The following SNX29 variants were observed in gnomAD, a reference collection of about 807,000 sequenced individuals.
SNX29 encodes sorting nexin-29.
A neutral mutation model predicts 102.1 loss-of-function variants in SNX29; 78 were observed. The ratio of observed to expected loss-of-function variants is 0.76; its 90% CI spans 0.64 to 0.92. The LOEUF (loss-of-function observed/expected upper bound fraction) is 0.92. SNX29 is among the 40% of genes least tolerant of loss of function. The pLI is 0.00. For synonymous variants in SNX29, 580 were observed against 414.5 expected (o/e 1.40, Z -4.85); for missense variants, 1,280 against 1,061.7 (o/e 1.21, Z -2.86).
At chr16:12,550,837 A>AT (rs1380319022) in intron 20 of SNX29, among the ~76,000 whole-genome samples, 1 of 152,206 alleles carries the variant, frequency 6.6e-6, no homozygotes, top group Non-Finnish European at 1.5e-5. Flanking sequence ...TTTACAGATG[A>AT]TTTTTGAGCA....
chr16:12,295,493 G>T (rs1271418162), intron 15 of SNX29, among the ~76,000 whole-genome samples: 1 of 152,136 alleles, frequency 6.6e-6, no homozygotes, highest in African/African-American at 2.4e-5. Context: ...TGCTTTTTCT[G>T]CAGCTTCCGT....
chr16:12,402,533 G>A (rs1306672660), intron 17 of SNX29, among the ~76,000 whole-genome samples: 1 of 152,234 alleles, frequency 6.6e-6, no homozygotes, highest in African/African-American at 2.4e-5. Context: ...TGATCTTGAA[G>A]TTTCAGGGAC....
chr16:12,454,559 C>G (rs2086451617), intron 18 of SNX29, among the ~76,000 whole-genome samples: 3 of 152,106 alleles, frequency 2.0e-5, no homozygotes, highest in African/African-American at 7.2e-5. Context: ...GCGAATGTGG[C>G]TTGCTGCTCA....
In SNX29 at chr16:12,245,826, GAC is replaced by G. The variant is rs142247509; in HGVS notation, c.1679-32103_1679-32102del. Among the ~76,000 whole-genome samples the G allele has an allele frequency of 5.1e-3, 778 of 152,188 alleles. 4 individuals are homozygous for G. Among genetic ancestry groups the G allele is most frequent in the African/African-American group, 0.018 (727 of 41,524 alleles). On this transcript the variant is annotated intron_variant, in intron 14 of 20. Transcript: ENST00000566228. ...GGGTAGGGAGAGATGAAGTGCTTGA[GAC>G]ACAGAGTTTCTGCTGCAGGAACTGG...
chr16:12,195,492 A>C (rs182875470), intron 13 of SNX29, among the ~76,000 whole-genome samples: 58 of 152,294 alleles, frequency 3.8e-4, no homozygotes, highest in Non-Finnish European at 6.3e-4. Context: ...TGAGATGCCT[A>C]AGGGGGTTGG....
rs900242481 is a variant in SNX29 at position 12,572,723 on chromosome 16, C to A, written c.*4094C>A. On this transcript the variant is annotated 3_prime_UTR_variant, in exon 21 of 21. Coordinates refer to ENST00000566228, the MANE Select transcript of SNX29 (RefSeq NM_032167.5). ...AGCATCTTCCAGCCTTGGCACAGAA[C>A]TGATGGCAAAGGAAGGGCTGGGTTT... 17 of 1,064,098 alleles carry A rather than the reference C, an allele frequency of 1.6e-5. No individual in the cohort carries two copies. The East Asian group carries it at 8.5e-4, about 53-fold the overall frequency. 65.9% of individuals were successfully genotyped at this position (1,064,098 alleles called of 1,614,324 possible).
intron 18 of SNX29, among the ~76,000 whole-genome samples, chr16:12,410,796 G>T (rs1006785215): frequency 6.6e-6 from 1 of 152,180 alleles, no homozygotes; most frequent in Non-Finnish European, 1.5e-5. Flanking sequence ...CAGGGAAAGC[G>T]TATTATTTTT....
intron 19 of SNX29, among the ~76,000 whole-genome samples, chr16:12,499,351 C>CT (rs1226016489): frequency 2.6e-5 from 4 of 152,232 alleles, no homozygotes; most frequent in Non-Finnish European, 5.9e-5. Flanking sequence ...GGCTTCACTG[C>CT]TAAGTTCCAG....
intron 13 of SNX29, among the ~76,000 whole-genome samples, chr16:12,137,621 C>G (rs1014948321): frequency 6.6e-6 from 1 of 152,230 alleles, no homozygotes; most frequent in East Asian, 1.9e-4. Flanking sequence ...GGCTTTAAAT[C>G]TCACACTCCA....
intron 18 of SNX29, among the ~76,000 whole-genome samples, chr16:12,407,867 C>T (rs1473531997): frequency 6.6e-6 from 1 of 152,226 alleles, no homozygotes; most frequent in African/African-American, 2.4e-5. Flanking sequence ...GTAGTCCCAG[C>T]AGCTCCAGAG....
chr16:12,505,678 C>T (rs1323632114), intron 19 of SNX29, among the ~76,000 whole-genome samples: 1 of 135,298 alleles, frequency 7.4e-6, no homozygotes, highest in East Asian at 2.2e-4. Flanking sequence ...ATGAGTCCTC[C>T]AGCTTTGTTC....
chr16:12,238,031 A>C (rs1225779131), intron 14 of SNX29, among the ~76,000 whole-genome samples: 1 of 152,202 alleles, frequency 6.6e-6, no homozygotes, highest in Non-Finnish European at 1.5e-5. Flanking sequence ...GGAGAAAGTA[A>C]CTGGGTGTGG....
rs571003598 is a variant in SNX29, at chr16:12,424,988, C to G, written c.2037+21459C>G. 1.1e-3 allele frequency among the ~76,000 whole-genome samples: 166 copies of G among 152,348 alleles called. 1 individual carries two copies. The highest frequency in any genetic ancestry group is 3.9e-3 in the African/African-American group (161 of 41,568). ...ATTGGGGTACATTCACACAGTGGAA[C>G]CTTGGGCTGCAAGGAGATTAAAGAT... On this transcript the variant is annotated intron_variant, in intron 18 of 20. Transcript: ENST00000566228.
At chr16:12,459,078 G>A (rs1256566865) in intron 18 of SNX29, among the ~76,000 whole-genome samples, 1 of 47,536 alleles carries the variant, frequency 2.1e-5, no homozygotes, top group Non-Finnish European at 4.0e-5. Flanking sequence ...CTCCTCCCCG[G>A]TCCACTCCCC....
At chr16:12,418,318 G>A (rs568704512) in intron 18 of SNX29, among the ~76,000 whole-genome samples, 1 of 152,180 alleles carries the variant, frequency 6.6e-6, no homozygotes, top group East Asian at 1.9e-4. Flanking sequence ...ACAGTCTGGA[G>A]CCACAACACA....
intron 20 of SNX29, among the ~76,000 whole-genome samples, chr16:12,554,633 T>G (rs1034394867): frequency 6.6e-6 from 1 of 152,218 alleles, no homozygotes; most frequent in Non-Finnish European, 1.5e-5. Flanking sequence ...TGCCTCAGTT[T>G]CCCCAGGTTT....
chr16:12,560,028 A>G (rs1226321420), intron 20 of SNX29, among the ~76,000 whole-genome samples: 1 of 152,170 alleles, frequency 6.6e-6, no homozygotes, highest in African/African-American at 2.4e-5. Flanking sequence ...AAGACTTAGT[A>G]TGACAAATAC....
At chr16:12,416,392 A>G (rs935373267) in intron 18 of SNX29, among the ~76,000 whole-genome samples, 1 of 152,214 alleles carries the variant, frequency 6.6e-6, no homozygotes, top group Admixed American at 6.5e-5. Context: ...AATGACGTAT[A>G]TTTCAAAATA....
intron 18 of SNX29, among the ~76,000 whole-genome samples, chr16:12,463,147 C>G (rs117732676): frequency 2.6e-5 from 4 of 152,182 alleles, no homozygotes; most frequent in African/African-American, 9.7e-5. Flanking sequence ...TGCCCGTCAG[C>G]GGTCGTTGTC....
Sources: allele counts gnomAD v4.1 joint callset (sites outside exome capture counted in the v4.1 genomes callset), GRCh38; gene constraint gnomAD v4.1.1; transcripts MANE v1.5; gene names NCBI Gene and HGNC (gene_info 2026-07-23, HGNC 2026-07-21).